Variants in ASCC3 observed in about 807,000 individuals in gnomAD.
The protein encoded by ASCC3 is ASC-1 complex subunit P200.
ASCC3 carries 158 observed loss-of-function variants against 256.3 expected under a neutral mutation model. The ratio of observed to expected loss-of-function variants is 0.62; its 90% CI spans 0.54 to 0.70. The LOEUF is 0.70. ASCC3 is among the 30% of genes least tolerant of loss of function. ASCC3 has a pLI of 0.00. For missense variants in ASCC3, 2,259 were observed against 2,626.0 expected, an observed-to-expected ratio of 0.86 and a Z score of 3.05; for synonymous variants, 948 against 883.4, an observed-to-expected ratio of 1.07 and a Z score of -1.30.
At chr6:100,772,810 T>C (rs1782007219) in intron 8 of ASCC3, among the ~76,000 whole-genome samples, 2 of 152,342 alleles carry the variant, frequency 1.3e-5, no homozygotes, top group South Asian at 2.1e-4. Flanking sequence ...CTAAGATCTC[T>C]AAATTTTATT....
chr6:100,570,695 GA>G (rs1770544198), intron 36 of ASCC3, among the ~76,000 whole-genome samples: 1 of 151,988 alleles, frequency 6.6e-6, no homozygotes, highest in Non-Finnish European at 1.5e-5. Flanking sequence ...TTGAAACTTG[GA>G]AAAGAATCCA....
Position 100,813,053 on chromosome 6 carries a change from A to C in ASCC3, c.802-7173T>G, listed in dbSNP as rs1770556876. Among the ~76,000 whole-genome samples, 3 of 152,196 alleles carry C rather than the reference A, an allele frequency of 2.0e-5. No homozygotes were observed. In the South Asian group the frequency reaches 6.2e-4, roughly 32 times the overall value. On this transcript the variant is annotated intron_variant, in intron 4 of 41. Coordinates refer to ENST00000369162, the MANE Select transcript of ASCC3 (RefSeq NM_006828.4). ...AACACCATTAAGTGCACCAACATAC[A>C]CATAATAAGCATACCCAAAGGAAAG...
At chr6:100,857,651 T>C (rs1582972314) in intron 3 of ASCC3, 1 of 152,138 alleles carries the variant, frequency 6.6e-6, no homozygotes, top group South Asian at 2.1e-4. Flanking sequence ...AAATCAAGTA[T>C]ATTTCTATCC....
At chr6:100,606,106 T>C (rs1772873206) in intron 32 of ASCC3, among the ~76,000 whole-genome samples, 1 of 152,000 alleles carries the variant, frequency 6.6e-6, no homozygotes, top group South Asian at 2.1e-4. Flanking sequence ...CCGTGAATAA[T>C]GAACCCATTT....
Position 100,512,871 on chromosome 6 carries a change from A to G in ASCC3, c.6123T>C (p.Ser2041=), listed in dbSNP as rs1215203564. ...CTAAGTCATCCCACGAGCCTTTAAC[A>G]CTTATGCCAACATTTATCACTGGCA... ...SHLPVINVGI[S]VKGSWDDLVE... The change falls in exon 40 of 42, where the codon AGT becomes AGC. Residue 2041 remains serine (S), a synonymous_variant. Transcript: ENST00000369162. 6.2e-7 allele frequency: 1 copy of G among 1,614,066 alleles called. No individual in the cohort carries two copies. Among genetic ancestry groups the G allele is most frequent in the Admixed American group, 1.7e-5 (1 of 60,020 alleles).
chr6:100,790,046 T>C (rs1047949250), intron 8 of ASCC3, among the ~76,000 whole-genome samples: 4 of 151,984 alleles, frequency 2.6e-5, no homozygotes, highest in Non-Finnish European at 5.9e-5. Flanking sequence ...AGGATTTATA[T>C]GATGTTTATG....
At chr6:100,798,126 A>G (rs1055433366) in intron 8 of ASCC3, among the ~76,000 whole-genome samples, 13 of 152,110 alleles carry the variant, frequency 8.5e-5, no homozygotes, top group Non-Finnish European at 1.9e-4. Context: ...ACAGCAACTT[A>G]ATTTTGATAT....
chr6:100,584,105 G>A (rs1435344162), intron 36 of ASCC3, among the ~76,000 whole-genome samples: 1 of 151,492 alleles, frequency 6.6e-6, no homozygotes, highest in African/African-American at 2.4e-5. Flanking sequence ...TATTAGGTCT[G>A]CTTGGTGCAG....
chr6:100,852,668 T>C (rs937747960), intron 3 of ASCC3, among the ~76,000 whole-genome samples: 1 of 152,214 alleles, frequency 6.6e-6, no homozygotes, highest in Non-Finnish European at 1.5e-5. Context: ...ACAGATAAAT[T>C]GATACACTAA....
At chr6:100,522,605 C>G (rs780963554) in intron 37 of ASCC3, among the ~76,000 whole-genome samples, 1 of 151,632 alleles carries the variant, frequency 6.6e-6, no homozygotes, top group Non-Finnish European at 1.5e-5. Context: ...ACAGGGGAAG[C>G]AGAGTGGGGT....
intron 1 of ASCC3, among the ~76,000 whole-genome samples, chr6:100,880,050 T>C (rs1014194621): frequency 2.6e-5 from 4 of 152,162 alleles, no homozygotes; most frequent in African/African-American, 7.2e-5. Flanking sequence ...ATAGGAAGAC[T>C]TGAATGAATG....
intron 39 of ASCC3, among the ~76,000 whole-genome samples, chr6:100,515,523 C>A (rs891772972): frequency 1.3e-5 from 2 of 152,166 alleles, no homozygotes; most frequent in African/African-American, 4.8e-5. Context: ...GTCTAGATAG[C>A]CAAATATTTC....
At chr6:100,664,452 A>C (rs1471032686) in intron 14 of ASCC3, among the ~76,000 whole-genome samples, 1 of 152,068 alleles carries the variant, frequency 6.6e-6, no homozygotes, top group African/African-American at 2.4e-5. Flanking sequence ...TTAACAAACC[A>C]CACCATCTAG....
At chr6:100,879,526 C>CCCGTAATCCCAGCACTTTGGGAGG (rs1410509241) in intron 1 of ASCC3, among the ~76,000 whole-genome samples, 3 of 152,160 alleles carry the variant, frequency 2.0e-5, no homozygotes, top group Admixed American at 2.0e-4. Flanking sequence ...CAAAATGGGG[C>CCCGTAATCCCAGCACTTTGGGAGG]CCGTAATCCC....
chr6:100,785,682 G>T (rs1769035712), intron 8 of ASCC3, among the ~76,000 whole-genome samples: 2 of 152,166 alleles, frequency 1.3e-5, no homozygotes, highest in Non-Finnish European at 2.9e-5. Context: ...AAAGTGCTAG[G>T]ATTACAGGTG....
chr6:100,653,660 T>G (rs1206310593), intron 17 of ASCC3, among the ~76,000 whole-genome samples: 1 of 151,156 alleles, frequency 6.6e-6, no homozygotes, highest in African/African-American at 2.4e-5. Flanking sequence ...TTGGCTCACT[T>G]TACTTACTTT....
At chr6:100,785,258 C>T (rs528807421) in intron 8 of ASCC3, among the ~76,000 whole-genome samples, 1 of 152,170 alleles carries the variant, frequency 6.6e-6, no homozygotes, top group African/African-American at 2.4e-5. Flanking sequence ...TACTTATTTT[C>T]TACAATGAAA....
At chr6:100,733,255 C>T (rs6570929) in intron 10 of ASCC3, among the ~76,000 whole-genome samples, 148,214 of 152,236 alleles carry the variant, frequency 0.97, 72,281 homozygotes, top group East Asian at 1. Flanking sequence ...TTCTGGAGAC[C>T]GAATGACACA....
chr6:100,659,894 C>A (rs1196888394), intron 16 of ASCC3, among the ~76,000 whole-genome samples: 1 of 151,662 alleles, frequency 6.6e-6, no homozygotes, highest in South Asian at 2.1e-4. Context: ...TTTCACCTTA[C>A]ATACTACATA....
Sources: allele counts gnomAD v4.1 joint callset (sites outside exome capture counted in the v4.1 genomes callset), GRCh38; gene constraint gnomAD v4.1.1; transcripts MANE v1.5; gene names NCBI Gene and HGNC (gene_info 2026-07-23, HGNC 2026-07-21).